Variants in PLCB4 observed in about 807,000 individuals in gnomAD.
PLCB4 encodes the protein phospholipase C beta 4, also known as 1-phosphatidylinositol 4,5-bisphosphate phosphodiesterase beta-4.
A neutral mutation model predicts 178.8 loss-of-function variants in PLCB4; 77 were observed. The ratio of observed to expected loss-of-function variants is 0.43; its 90% CI spans 0.36 to 0.52. The LOEUF is 0.52. PLCB4 is among the 20% of genes least tolerant of loss of function. The pLI, the probability that PLCB4 is intolerant of heterozygous loss-of-function variation, is 0.00. For missense variants in PLCB4, 1,024 were observed against 1,453.4 expected, an observed-to-expected ratio of 0.70 and a Z score of 4.80; for synonymous variants, 496 against 490.8, an observed-to-expected ratio of 1.01 and a Z score of -0.14.
intron 1 of PLCB4, among the ~76,000 whole-genome samples, chr20:9,076,205 G>C (rs372841886): frequency 1.3e-5 from 2 of 152,084 alleles, no homozygotes; most frequent in African/African-American, 2.4e-5. Flanking sequence ...GATGGCTCAC[G>C]CCTGTAATTT....
chr20:9,123,085 TA>T (rs1215751911), intron 2 of PLCB4, among the ~76,000 whole-genome samples: 1 of 152,162 alleles, frequency 6.6e-6, no homozygotes, highest in African/African-American at 2.4e-5. Flanking sequence ...TTTTAAAAAG[TA>T]AAAAACATTT....
intron 32 of PLCB4, among the ~76,000 whole-genome samples, chr20:9,451,997 C>T (rs954677950): frequency 2.6e-5 from 4 of 152,078 alleles, no homozygotes; most frequent in African/African-American, 9.7e-5. Flanking sequence ...ATTCCAATTA[C>T]AAATTAAGCC....
chr20:9,197,924 G>A (rs953206165), intron 2 of PLCB4, among the ~76,000 whole-genome samples: 11 of 152,034 alleles, frequency 7.2e-5, no homozygotes, highest in African/African-American at 2.7e-4. Context: ...GCAGTGAGCC[G>A]AGATTGTGCC....
At chr20:9,301,987 C>A (rs545264938) in intron 3 of PLCB4, among the ~76,000 whole-genome samples, 1 of 152,122 alleles carries the variant, frequency 6.6e-6, no homozygotes, top group Non-Finnish European at 1.5e-5. Context: ...TGTAAAGTCT[C>A]TTCCACTTCC....
chr20:9,459,170 C>A (rs1182657082), intron 34 of PLCB4, among the ~76,000 whole-genome samples: 1 of 152,046 alleles, frequency 6.6e-6, no homozygotes, highest in Non-Finnish European at 1.5e-5. Flanking sequence ...ATGGTGAAAC[C>A]CTGTCTCTAG....
intron 3 of PLCB4, among the ~76,000 whole-genome samples, chr20:9,233,784 A>C (rs895062583): frequency 6.6e-6 from 1 of 152,202 alleles, no homozygotes; most frequent in Non-Finnish European, 1.5e-5. Context: ...AGTTAGATGC[A>C]TGATCACCTT....
chr20:9,189,267 T>C (rs13043883), intron 2 of PLCB4, among the ~76,000 whole-genome samples: 2 of 30,522 alleles, frequency 6.6e-5, no homozygotes. Context: ...GGTTGGTTAA[T>C]TGTTCATTGT....
In PLCB4 at chr20:9,395,486, C is replaced by T. The variant is rs768679696; in HGVS notation, c.1415-37C>T. The stretch of plus-strand genomic sequence containing the variant: ...GGCCTAGGGTTTGTATGTTACCTAG[C>T]ATCTGTCACCATCTCTTTGCGTGTT... On this transcript the variant is annotated intron_variant, in intron 18 of 39. Transcript: ENST00000378473. 33 of 1,382,636 alleles carry T rather than the reference C, an allele frequency of 2.4e-5. 1 individual carries two copies. In the South Asian group the frequency reaches 3.4e-4, roughly 14 times the overall value. The allele number at this position is 1,382,636 out of a possible 1,614,324, so 85.6% of individuals were successfully genotyped here.
At chr20:9,438,158 A>C (rs562297036) in intron 30 of PLCB4, among the ~76,000 whole-genome samples, 7 of 152,184 alleles carry the variant, frequency 4.6e-5, no homozygotes, top group Middle Eastern at 3.4e-3. Flanking sequence ...TGAGGTCAGG[A>C]GATCGAGACC....
chr20:9,382,760 A>G (rs571720411), intron 13 of PLCB4, among the ~76,000 whole-genome samples: 1 of 152,270 alleles, frequency 6.6e-6, no homozygotes, highest in East Asian at 1.9e-4. Flanking sequence ...TACCTCTTTG[A>G]CATTATATTT....
chr20:9,418,988 T>C (rs915580644), intron 25 of PLCB4, among the ~76,000 whole-genome samples: 13 of 152,130 alleles, frequency 8.5e-5, no homozygotes, highest in Non-Finnish European at 1.5e-4. Flanking sequence ...AGAAATACAA[T>C]TGACTTTTTA....
intron 2 of PLCB4, among the ~76,000 whole-genome samples, chr20:9,216,291 T>C (rs1355065609): frequency 2.0e-5 from 3 of 150,658 alleles, no homozygotes; most frequent in Non-Finnish European, 3.0e-5. Flanking sequence ...CATCTCGGCT[T>C]GCTGCAAGCT....
intron 2 of PLCB4, among the ~76,000 whole-genome samples, chr20:9,099,729 C>T (rs1350301734): frequency 6.6e-6 from 1 of 152,122 alleles, no homozygotes; most frequent in Non-Finnish European, 1.5e-5. Flanking sequence ...CCTGGTTTAC[C>T]CTATAAATCG....
chr20:9,433,849 G>A (rs764196925), intron 28 of PLCB4, among the ~76,000 whole-genome samples: 4 of 152,076 alleles, frequency 2.6e-5, no homozygotes, highest in African/African-American at 4.8e-5. Context: ...GGGATCATGG[G>A]TGATAAAAAC....
At position 9,390,527 on chromosome 20, in the gene PLCB4, C is replaced by G. The variant is rs748579388; in HGVS notation, c.1239-4C>G. ...ATTTACAAATGCCACTTTTTTCTCT[C>G]CAGCAAATATCAACAGTACAAGATG... On this transcript the variant is annotated splice_region_variant and splice_polypyrimidine_tract_variant and intron_variant, in intron 16 of 39. Coordinates refer to ENST00000378473, the MANE Select transcript of PLCB4 (RefSeq NM_001377142.1). The G allele has an allele frequency of 6.6e-7, 1 of 1,521,540 alleles. No homozygotes were observed. The highest frequency in any genetic ancestry group is 2.3e-5 in the East Asian group (1 of 44,296). The allele number at this position is 1,521,540 out of a possible 1,614,324, so 94.3% of individuals were successfully genotyped here.
intron 3 of PLCB4, among the ~76,000 whole-genome samples, chr20:9,235,286 A>G (rs372691206): frequency 8.5e-5 from 13 of 152,284 alleles, no homozygotes; most frequent in African/African-American, 3.1e-4. Context: ...GATGATGTCA[A>G]GCAAATGCAC....
At chr20:9,443,106 G>T in intron 30 of PLCB4, among the ~76,000 whole-genome samples, 1 of 152,038 alleles carries the variant, frequency 6.6e-6, no homozygotes, top group East Asian at 1.9e-4. Context: ...CACTCAGATA[G>T]CAGGATGACT....
chr20:9,388,170 G>A (rs972261714), intron 15 of PLCB4, among the ~76,000 whole-genome samples: 23 of 152,092 alleles, frequency 1.5e-4, no homozygotes, highest in Admixed American at 2.6e-4. Flanking sequence ...CCCGAGAGGT[G>A]GAGGTTGCAG....
At position 9,348,128 on chromosome 20, in the gene PLCB4, A is replaced by G. The variant is rs546908883; in HGVS notation, c.369+9091A>G. ...TAAGCTTAACCTGGACTACATCATC[A>G]TGACACCAGGAGTCAGCTACTAGGA... On this transcript the variant is annotated intron_variant, in intron 7 of 39. Coordinates refer to ENST00000378473, the MANE Select transcript of PLCB4 (RefSeq NM_001377142.1). Among the ~76,000 whole-genome samples the G allele has an allele frequency of 2.2e-4, 33 of 152,322 alleles. No homozygotes were observed. The South Asian group carries it at 4.8e-3, about 22-fold the overall frequency.
Sources: gnomAD v4.1 joint callset for allele counts (sites outside exome capture counted in the v4.1 genomes callset) on GRCh38, gnomAD v4.1.1 for gene constraint, MANE v1.5 for transcripts, NCBI Gene and HGNC (gene_info 2026-07-23, HGNC 2026-07-21) for gene names.